The following FAAH2 variants were observed in gnomAD, a reference collection of about 807,000 sequenced individuals.
FAAH2 encodes fatty acid amide hydrolase 2, also known as fatty-acid amide hydrolase 2.
A neutral mutation model predicts 36.9 loss-of-function variants in FAAH2; 60 were observed. The observed-to-expected ratio is 1.63, with a 90% CI of 1.32 to 2.02. The LOEUF is 2.02. FAAH2 is among the 30% of genes most tolerant of loss of function. The pLI is 0.00. For missense variants in FAAH2, 689 were observed against 397.5 expected (o/e 1.73, Z -6.23); for synonymous variants, 214 against 143.8 (o/e 1.49, Z -3.49).
chrX:57,393,490 G>C (rs1569314450), intron 7 of FAAH2: 1 of 959,071 alleles, frequency 1.0e-6, no homozygotes, highest in East Asian at 3.1e-5. Context: ...GTGTGATCCG[G>C]TCTGCAATGA....
the FAAH2 span, among the ~76,000 whole-genome samples, chrX:57,209,035 G>C: frequency 9.0e-6 from 1 of 111,500 alleles, no homozygotes; most frequent in Non-Finnish European, 1.9e-5. Flanking sequence ...GCCAGATTTG[G>C]GGGCCTGTTC....
the FAAH2 span, among the ~76,000 whole-genome samples, chrX:57,259,411 C>T: frequency 4.0e-3 from 447 of 111,720 alleles, 1 homozygote; most frequent in Non-Finnish European, 7.1e-3. Context: ...TCTGTGTGTG[C>T]ATGTATGTGT....
At position 57,337,789 on chromosome X, in the gene FAAH2, G is replaced by T. The variant is rs369427942; in HGVS notation, c.623-3482G>T. ...AAGATCTGTATTTGACAAACTCACA[G>T]TCAATATCACAATGAATGGGCAAAA... On this transcript the variant is annotated intron_variant, in intron 4 of 10. Coordinates refer to ENST00000374900, the MANE Select transcript of FAAH2 (RefSeq NM_174912.4). 3.6e-5 allele frequency among the ~76,000 whole-genome samples: 4 copies of T among 112,020 alleles called. No homozygotes were observed. The Admixed American group carries it at 3.8e-4, about 11-fold the overall frequency.
chrX:57,354,139 T>A (rs896089837), intron 5 of FAAH2, among the ~76,000 whole-genome samples: 3 of 111,070 alleles, frequency 2.7e-5, no homozygotes, highest in Non-Finnish European at 5.7e-5. Flanking sequence ...CCTGCACTTG[T>A]ATGTTTATAC....
chrX:57,394,464 G>C, intron 7 of FAAH2: 1 of 1,202,736 alleles, frequency 8.3e-7, no homozygotes, highest in Non-Finnish European at 1.1e-6. Flanking sequence ...ATGGGCTTCG[G>C]TTTACAAGAT....
chrX:57,423,123 A>G (rs1194328003), intron 7 of FAAH2, among the ~76,000 whole-genome samples: 3 of 112,103 alleles, frequency 2.7e-5, no homozygotes, highest in Admixed American at 9.4e-5. Flanking sequence ...GAGGAGTGGC[A>G]TTGGGAAGTG....
At chrX:57,150,064 A>C in the FAAH2 span, among the ~76,000 whole-genome samples, 1 of 111,800 alleles carries the variant, frequency 8.9e-6, no homozygotes, top group Non-Finnish European at 1.9e-5. Flanking sequence ...ATGTAGTTGA[A>C]CGGTTTTGAG....
the FAAH2 span, among the ~76,000 whole-genome samples, chrX:57,143,561 C>T: frequency 3.6e-5 from 4 of 110,699 alleles, no homozygotes; most frequent in African/African-American, 1.3e-4. Context: ...ACTGCAACCT[C>T]TGCCCCCCAG....
At chrX:57,470,931 C>T (rs1233185734) in intron 10 of FAAH2, among the ~76,000 whole-genome samples, 1 of 111,739 alleles carries the variant, frequency 8.9e-6, no homozygotes, top group Non-Finnish European at 1.9e-5. Flanking sequence ...GGATGCAAGG[C>T]TGCTTCAACA....
chrX:57,152,757 G>A, the FAAH2 span, among the ~76,000 whole-genome samples: 147 of 111,422 alleles, frequency 1.3e-3, no homozygotes, highest in African/African-American at 4.5e-3. Flanking sequence ...GCTCGTGCCC[G>A]GTGTGCTGCA....
At chrX:57,339,386 T>G (rs1259600003) in intron 4 of FAAH2, among the ~76,000 whole-genome samples, 5 of 111,675 alleles carry the variant, frequency 4.5e-5, no homozygotes, top group African/African-American at 1.3e-4. Context: ...ACCAAAAGCA[T>G]TTGCAACAAA....
chrX:57,475,162 C>G (rs1457577814), intron 10 of FAAH2, among the ~76,000 whole-genome samples: 1 of 111,412 alleles, frequency 9.0e-6, no homozygotes, highest in Admixed American at 9.6e-5. Flanking sequence ...CACTCTGATG[C>G]TAATTTCTTT....
chrX:57,163,193 C>T, the FAAH2 span, among the ~76,000 whole-genome samples: 338 of 112,069 alleles, frequency 3.0e-3, 5 homozygotes, highest in South Asian at 0.012. Context: ...GGTCAGGGAC[C>T]CACTTGAGGA....
intron 2 of FAAH2, among the ~76,000 whole-genome samples, chrX:57,302,116 A>T (rs2052390277): frequency 1.8e-5 from 2 of 111,808 alleles, no homozygotes; most frequent in African/African-American, 6.5e-5. Context: ...TGTGAATGAC[A>T]TAGAAAATGG....
chrX:57,292,899 T>A (rs1224711035), intron 2 of FAAH2, among the ~76,000 whole-genome samples: 1 of 111,586 alleles, frequency 9.0e-6, no homozygotes, highest in Non-Finnish European at 1.9e-5. Flanking sequence ...AGATTAATAT[T>A]TGGCAGTGAC....
At chrX:57,123,178 T>C in the FAAH2 span, among the ~76,000 whole-genome samples, 8 of 110,518 alleles carry the variant, frequency 7.2e-5, no homozygotes, top group East Asian at 1.7e-3. Flanking sequence ...AGAGGCCCCA[T>C]TGTGTGATGT....
chrX:57,159,411 A>T, the FAAH2 span, among the ~76,000 whole-genome samples: 3 of 111,503 alleles, frequency 2.7e-5, no homozygotes, highest in African/African-American at 9.8e-5. Context: ...ATGGCATTGA[A>T]TCTATAAATT....
the FAAH2 span, among the ~76,000 whole-genome samples, chrX:57,169,561 T>C: frequency 3.4e-5 from 1 of 29,270 alleles, no homozygotes; most frequent in East Asian, 1.1e-3. Context: ...TATATATATA[T>C]ATATATATGG....
chrX:57,299,529 C>G (rs1481227158), intron 2 of FAAH2, among the ~76,000 whole-genome samples: 1 of 111,505 alleles, frequency 9.0e-6, no homozygotes, highest in Non-Finnish European at 1.9e-5. Context: ...GGAAGCATTC[C>G]CTTTGAAAAC....
Sources: gnomAD v4.1 joint callset for allele counts (sites outside exome capture counted in the v4.1 genomes callset) on GRCh38, gnomAD v4.1.1 for gene constraint, MANE v1.5 for transcripts, NCBI Gene and HGNC (gene_info 2026-07-23, HGNC 2026-07-21) for gene names.